Variants in CAMTA1 observed in about 807,000 individuals in gnomAD.
CAMTA1 encodes the protein calmodulin binding transcription activator 1.
In CAMTA1, 27 loss-of-function variants were observed where a neutral mutation model predicts 170.9. The ratio of observed to expected loss-of-function variants is 0.16; its 90% CI spans 0.12 to 0.22. CAMTA1 has a LOEUF of 0.22. Ranked by LOEUF, CAMTA1 falls within the 10% of genes least tolerant of loss-of-function variation. CAMTA1 has a pLI of 1.00. For missense variants in CAMTA1, 1,619 were observed against 2,217.2 expected (o/e 0.73, Z 5.42); for synonymous variants, 833 against 891.5 (o/e 0.93, Z 1.17).
At chr1:7,256,563 C>T (rs1444562595) in intron 5 of CAMTA1, among the ~76,000 whole-genome samples, 2 of 151,974 alleles carry the variant, frequency 1.3e-5, no homozygotes, top group African/African-American at 4.8e-5. Flanking sequence ...GTCTCAAAAA[C>T]AAAAACAAAA....
At chr1:7,515,046 G>A (rs560755298) in intron 6 of CAMTA1, among the ~76,000 whole-genome samples, 14 of 149,984 alleles carry the variant, frequency 9.3e-5, no homozygotes, top group Non-Finnish European at 1.3e-4. Flanking sequence ...GGTCCTTCCC[G>A]GCTCCCTCCA....
chr1:7,027,079 A>G (rs1349848418), intron 3 of CAMTA1, among the ~76,000 whole-genome samples: 1 of 152,148 alleles, frequency 6.6e-6, no homozygotes, highest in Non-Finnish European at 1.5e-5. Context: ...CATGTGAACC[A>G]TGGTTGAAGT....
At chr1:7,755,314 G>A (rs1226492304) in intron 21 of CAMTA1, among the ~76,000 whole-genome samples, 3 of 118,252 alleles carry the variant, frequency 2.5e-5, no homozygotes, top group African/African-American at 1.0e-4. Flanking sequence ...GCGACAGGGA[G>A]AGACTCCGTC....
chr1:6,919,549 C>T (rs1681539231), intron 3 of CAMTA1, among the ~76,000 whole-genome samples: 1 of 151,840 alleles, frequency 6.6e-6, no homozygotes, highest in Non-Finnish European at 1.5e-5. Context: ...GATCTGAGAC[C>T]AGCTAGCTGG....
Position 7,463,154 on chromosome 1 carries a change from CCTTCAGGCCCCATCTGCTCCCCGGGG to C in CAMTA1, c.439-4673_439-4648del, listed in dbSNP as rs894873093. ...AGGGCTGCCCTGTGGCCCGCTGTGACCTTCAGGCCCCATCTGCTCCCCGGGGCTCCATGCCCTAAGCATGCTCTGCT... is the reference window on the plus strand; with the variant it reads ...AGGGCTGCCCTGTGGCCCGCTGTGACCTCCATGCCCTAAGCATGCTCTGCT... On this transcript the variant is annotated intron_variant, in intron 5 of 22. Transcript: ENST00000303635. This position sits in a 1 kb window ranked among gnomAD's most constrained non-coding sequence, Gnocchi z 4.7. Among the ~76,000 whole-genome samples the C allele has an allele frequency of 6.1e-4, 93 of 152,338 alleles. 1 individual carries two copies. Among genetic ancestry groups the C allele is most frequent in the African/African-American group, 1.9e-3 (81 of 41,570 alleles).
intron 1 of CAMTA1, among the ~76,000 whole-genome samples, chr1:6,795,727 T>G (rs1249999355): frequency 6.6e-6 from 1 of 152,188 alleles, no homozygotes; most frequent in East Asian, 1.9e-4. Flanking sequence ...ACACTGTTTT[T>G]TATATGCTAC....
intron 7 of CAMTA1, among the ~76,000 whole-genome samples, chr1:7,648,696 G>A (rs890806259): frequency 6.6e-6 from 1 of 152,188 alleles, no homozygotes; most frequent in Non-Finnish European, 1.5e-5. Flanking sequence ...TCTTACCCTG[G>A]AATCCACCAA....
At chr1:7,432,363 G>A (rs2092200581) in intron 5 of CAMTA1, among the ~76,000 whole-genome samples, 2 of 152,196 alleles carry the variant, frequency 1.3e-5, no homozygotes, top group Non-Finnish European at 2.9e-5. Flanking sequence ...ACTATAAATT[G>A]GTGTCCCAGG....
chr1:6,836,085 A>G (rs1652970045), intron 3 of CAMTA1, among the ~76,000 whole-genome samples: 1 of 152,110 alleles, frequency 6.6e-6, no homozygotes, highest in South Asian at 2.1e-4. Context: ...CTATCCAGCT[A>G]CCTGCCTACC....
intron 5 of CAMTA1, among the ~76,000 whole-genome samples, chr1:7,262,766 A>G (rs1668363111): frequency 6.6e-6 from 1 of 152,128 alleles, no homozygotes. Context: ...CTGTCACACC[A>G]GCACCTAGCA....
At chr1:7,208,220 C>T (rs1658114222) in intron 4 of CAMTA1, among the ~76,000 whole-genome samples, 1 of 152,234 alleles carries the variant, frequency 6.6e-6, no homozygotes, top group Non-Finnish European at 1.5e-5. Context: ...TTGCTAACCT[C>T]CCAGACAAAC....
intron 11 of CAMTA1, among the ~76,000 whole-genome samples, chr1:7,717,997 C>T (rs1367410564): frequency 6.6e-6 from 1 of 152,176 alleles, no homozygotes; most frequent in Non-Finnish European, 1.5e-5. Context: ...AGGAATGTAG[C>T]GGTGACTGGG....
At chr1:7,567,718 A>G (rs1221352121) in intron 6 of CAMTA1, among the ~76,000 whole-genome samples, 1 of 152,118 alleles carries the variant, frequency 6.6e-6, no homozygotes, top group Non-Finnish European at 1.5e-5. Context: ...TGGAATATGT[A>G]TTTTCACAAG....
At chr1:7,121,628 C>T (rs1644645632) in intron 4 of CAMTA1, among the ~76,000 whole-genome samples, 1 of 152,218 alleles carries the variant, frequency 6.6e-6, no homozygotes, top group Admixed American at 6.5e-5. Context: ...GTCAGATCAC[C>T]TCAGTGCCCA....
intron 5 of CAMTA1, among the ~76,000 whole-genome samples, chr1:7,304,913 TAGAG>T (rs1209814212): frequency 1.3e-5 from 2 of 152,022 alleles, no homozygotes; most frequent in African/African-American, 2.4e-5. Flanking sequence ...ATGTATGACA[TAGAG>T]AGGCCATTTC....
At chr1:6,902,515 T>A (rs1048124001) in intron 3 of CAMTA1, among the ~76,000 whole-genome samples, 3 of 152,176 alleles carry the variant, frequency 2.0e-5, no homozygotes, top group African/African-American at 7.2e-5. Flanking sequence ...GAAGAAAACA[T>A]CAGTGGTTGC....
chr1:7,584,734 G>A (rs2095293994), intron 6 of CAMTA1, among the ~76,000 whole-genome samples: 1 of 152,180 alleles, frequency 6.6e-6, no homozygotes, highest in Non-Finnish European at 1.5e-5. Context: ...AAGGCCAGGT[G>A]TACTTAGCTA....
chr1:7,434,881 A>C (rs2092297991), intron 5 of CAMTA1, among the ~76,000 whole-genome samples: 1 of 151,624 alleles, frequency 6.6e-6, no homozygotes, highest in African/African-American at 2.4e-5. Flanking sequence ...TCTCTACAAA[A>C]AAAAAAAAAA....
At chr1:6,959,499 C>T (rs1690015553) in intron 3 of CAMTA1, among the ~76,000 whole-genome samples, 1 of 132,960 alleles carries the variant, frequency 7.5e-6, no homozygotes, top group African/African-American at 2.7e-5. Flanking sequence ...TGTACCGGGT[C>T]CCGGGCAGGG....
Sources: gnomAD v4.1 joint callset for allele counts (sites outside exome capture counted in the v4.1 genomes callset) on GRCh38, gnomAD v4.1.1 for gene constraint, Gnocchi (gnomAD v3.1) non-coding constraint, MANE v1.5 for transcripts, NCBI Gene and HGNC (gene_info 2026-07-23, HGNC 2026-07-21) for gene names.